PDE4D: variants seen among roughly 807,000 people sequenced by gnomAD.
The protein encoded by PDE4D is 3',5'-cyclic-AMP phosphodiesterase 4D.
In PDE4D, 24 loss-of-function variants were observed where a neutral mutation model predicts 87.4. The observed-to-expected ratio is 0.27, with a 90% confidence interval of 0.20 to 0.39. The LOEUF (loss-of-function observed/expected upper bound fraction) is 0.39. Among genes scored for constraint, PDE4D ranks in the 10% least tolerant of loss-of-function variants. The pLI, the probability that PDE4D is intolerant of heterozygous loss-of-function variation, is 1.00. For synonymous variants in PDE4D, 384 were observed against 383.2 expected (o/e 1.00, Z -0.02); for missense variants, 714 against 1,041.0 (o/e 0.69, Z 4.32).
intron 3 of PDE4D, among the ~76,000 whole-genome samples, 158 bp downstream of exon 3, chr5:59,193,342 T>C (rs1744739827): frequency 6.6e-6 from 1 of 152,220 alleles, no homozygotes; most frequent in Admixed American, 6.5e-5. Context: ...CAAAGTCACT[T>C]TCTCTAGCAT....
intron 2 of PDE4D, among the ~76,000 whole-genome samples, chr5:60,172,442 C>A (rs541788426): frequency 3.3e-5 from 5 of 152,100 alleles, no homozygotes; most frequent in Admixed American, 3.3e-4. Context: ...GCTTCACCAA[C>A]CCTAATTATT....
chr5:59,062,703 GTT>G (rs34248179), intron 5 of PDE4D, among the ~76,000 whole-genome samples: 6 of 137,668 alleles, frequency 4.4e-5, no homozygotes, highest in Non-Finnish European at 3.1e-5. Context: ...AATGCATGTG[GTT>G]TTTTTTTTTT....
chr5:59,927,979 A>G (rs2152784888), intron 3 of PDE4D, among the ~76,000 whole-genome samples: 1 of 152,338 alleles, frequency 6.6e-6, no homozygotes, highest in African/African-American at 2.4e-5. Context: ...TGCTTGGTGT[A>G]AAAGTAAATT....
chr5:60,061,907 A>G (rs753733006), intron 2 of PDE4D, among the ~76,000 whole-genome samples: 1 of 152,166 alleles, frequency 6.6e-6, no homozygotes, highest in Non-Finnish European at 1.5e-5. Context: ...CCTTATACAA[A>G]AATCAACTCA....
chr5:60,193,995 T>TCGAG (rs1445756037), intron 1 of PDE4D, among the ~76,000 whole-genome samples: 1 of 151,556 alleles, frequency 6.6e-6, no homozygotes, highest in Non-Finnish European at 1.5e-5. Context: ...TCCTCCTCCA[T>TCGAG]CTGCTCTAGT....
chr5:59,662,548 T>C (rs1580244260), intron 1 of PDE4D, among the ~76,000 whole-genome samples: 4 of 152,210 alleles, frequency 2.6e-5, no homozygotes, highest in Admixed American at 2.0e-4. Context: ...TGAAATCTCA[T>C]GAGAATTAAA....
chr5:59,306,132 A>G (rs1426940662), intron 1 of PDE4D, among the ~76,000 whole-genome samples: 1 of 152,164 alleles, frequency 6.6e-6, no homozygotes, highest in Non-Finnish European at 1.5e-5. Context: ...GCCTTTTACC[A>G]TTATATAATA....
rs200816109 is a variant in PDE4D at position 59,670,613 on chromosome 5, C to CA, written c.455+222554dup. On this transcript the variant is annotated intron_variant, in intron 1 of 14. Transcript: ENST00000340635. ...ATGTGTATGCATGTATTCCAAAATCCAAAAAAAAAATTCAAAGGTTGAAAC... is the reference window on the plus strand; with the variant it reads ...ATGTGTATGCATGTATTCCAAAATCCAAAAAAAAAAATTCAAAGGTTGAAAC... Among the ~76,000 whole-genome samples, 104 of 149,118 alleles carry CA rather than the reference C, an allele frequency of 7.0e-4. 1 individual carries two copies. Among genetic ancestry groups the CA allele is most frequent in the East Asian group, 1.6e-3 (8 of 5,140 alleles).
chr5:60,508,199 T>G (rs750484305), intron 1 of PDE4D, among the ~76,000 whole-genome samples: 1 of 152,218 alleles, frequency 6.6e-6, no homozygotes, highest in Non-Finnish European at 1.5e-5. Context: ...TGAACCTACG[T>G]TGGGTTCCTT....
At chr5:60,009,541 A>G (rs1321808645) in intron 2 of PDE4D, among the ~76,000 whole-genome samples, 8 of 151,926 alleles carry the variant, frequency 5.3e-5, no homozygotes, top group Admixed American at 4.6e-4. Flanking sequence ...ATAGAATGTT[A>G]GCGTCATGTG....
intron 2 of PDE4D, among the ~76,000 whole-genome samples, chr5:60,032,470 G>T (rs1767344778): frequency 6.6e-6 from 1 of 152,106 alleles, no homozygotes; most frequent in African/African-American, 2.4e-5. Flanking sequence ...ACTAAACAGG[G>T]TAAGAGTTTC....
intron 5 of PDE4D, among the ~76,000 whole-genome samples, chr5:59,105,581 T>C (rs1771458288): frequency 6.6e-6 from 1 of 152,214 alleles, no homozygotes; most frequent in South Asian, 2.1e-4. Flanking sequence ...TGTCAGATGA[T>C]ATGAAAATAG....
At chr5:60,297,231 C>G (rs1048789989) in intron 1 of PDE4D, among the ~76,000 whole-genome samples, 2 of 152,092 alleles carry the variant, frequency 1.3e-5, no homozygotes, top group Non-Finnish European at 2.9e-5. Flanking sequence ...CAAGTATTTT[C>G]AAAATTCATA....
intron 1 of PDE4D, among the ~76,000 whole-genome samples, chr5:60,218,877 G>C (rs1744175672): frequency 6.6e-6 from 1 of 152,026 alleles, no homozygotes; most frequent in Admixed American, 6.5e-5. Flanking sequence ...CCCTCTCTAT[G>C]AACCATGTAT....
At chr5:60,408,876 T>G (rs1003368293) in intron 1 of PDE4D, among the ~76,000 whole-genome samples, 1 of 152,246 alleles carries the variant, frequency 6.6e-6, no homozygotes, top group Non-Finnish European at 1.5e-5. Context: ...TTTTGCTCCA[T>G]GCACATCCAT....
intron 1 of PDE4D, among the ~76,000 whole-genome samples, chr5:59,693,443 A>C (rs886660347): frequency 2.0e-5 from 3 of 152,176 alleles, no homozygotes; most frequent in African/African-American, 7.2e-5. Flanking sequence ...AAAAAGAAGG[A>C]AGGCTGATAA....
At chr5:59,777,846 C>G (rs984375954) in intron 1 of PDE4D, among the ~76,000 whole-genome samples, 7 of 151,976 alleles carry the variant, frequency 4.6e-5, no homozygotes, top group African/African-American at 1.7e-4. Context: ...CGCATATACA[C>G]TCTAAAAGAT....
intron 1 of PDE4D, among the ~76,000 whole-genome samples, chr5:60,400,900 G>A (rs1263431625): frequency 2.6e-5 from 4 of 152,132 alleles, no homozygotes; most frequent in African/African-American, 4.8e-5. Context: ...TGGTATTGGG[G>A]GATACAGAGG....
At position 59,218,106 on chromosome 5, in the gene PDE4D, A is replaced by G. The variant is rs145381628; in HGVS notation, c.456-2138T>C. ...CTTCTAAATAGTGGGGGTTTGGCAA[A>G]GTAGATTTCTCTTCTAAGAAGATAG... On this transcript the variant is annotated intron_variant, in intron 1 of 14. Transcript: ENST00000340635. The G allele has an allele frequency of 1.8e-3, 595 of 335,324 alleles. 2 individuals are homozygous for G. The highest frequency in any genetic ancestry group is 0.012 in the African/African-American group (548 of 45,672). 20.8% of individuals were successfully genotyped at this position (335,324 alleles called of 1,614,324 possible).
Sources: gnomAD v4.1 joint callset for allele counts (sites outside exome capture counted in the v4.1 genomes callset) on GRCh38, gnomAD v4.1.1 for gene constraint, MANE v1.5 for transcripts, NCBI Gene and HGNC (gene_info 2026-07-23, HGNC 2026-07-21) for gene names.